Variants in PCCA observed in about 807,000 individuals in gnomAD.
The protein encoded by PCCA is propionyl-CoA carboxylase subunit alpha.
Under a neutral mutation model 101.3 loss-of-function variants are expected in PCCA, and 74 were observed. The observed-to-expected ratio is 0.73, with a 90% CI of 0.61 to 0.89. The LOEUF is 0.89. Among genes scored for constraint, PCCA ranks in the 40% least tolerant of loss-of-function variants. The pLI is 0.00. For synonymous variants in PCCA, 294 were observed against 313.6 expected (o/e 0.94, Z 0.66); for missense variants, 891 against 907.0 (o/e 0.98, Z 0.23).
intron 1 of PCCA, among the ~76,000 whole-genome samples, chr13:100,097,055 C>A (rs2046835496): frequency 6.6e-6 from 1 of 152,054 alleles, no homozygotes; most frequent in African/African-American, 2.4e-5. Flanking sequence ...CTGTTTTGAA[C>A]AATAATTAAT....
At chr13:100,110,453 G>C (rs372522047) in intron 2 of PCCA, among the ~76,000 whole-genome samples, 2 of 151,690 alleles carry the variant, frequency 1.3e-5, no homozygotes, top group African/African-American at 4.9e-5. Context: ...TTTACTTAAA[G>C]TTAAATAGGT....
chr13:100,449,219 G>C (rs2081051639), intron 20 of PCCA, 33 bp from the exon 21 acceptor site: 1 of 1,375,106 alleles, frequency 7.3e-7, no homozygotes, highest in Non-Finnish European at 1.0e-6. Context: ...GTGCAGATAT[G>C]AGTTCATTTT....
chr13:100,374,415 G>A lies in PCCA; in HGVS notation c.1746+5841G>A, dbSNP rs542906839. Among the ~76,000 whole-genome samples the A allele has an allele frequency of 2.6e-5, 4 of 152,124 alleles. No homozygotes were observed. The South Asian group carries it at 8.3e-4, about 32-fold the overall frequency. On this transcript the variant is annotated intron_variant, in intron 19 of 23. Coordinates refer to ENST00000376285, the MANE Select transcript of PCCA (RefSeq NM_000282.4). Reference sequence around the variant, plus strand: ...TAATTATTTTCATGATTCCCTTCTGGATTCCCAGGATGTTTTCCATTTCTG... The same window carrying A: ...TAATTATTTTCATGATTCCCTTCTGAATTCCCAGGATGTTTTCCATTTCTG...
At position 100,395,355 on chromosome 13, in the gene PCCA, C is replaced by T. The variant is rs370538908; in HGVS notation, c.1746+26781C>T. The stretch of plus-strand genomic sequence containing the variant: ...ATCTTATTCACCAGACTCAGCACTG[C>T]GTAACTGTGGCAATTTCTGAAACTC... On this transcript the variant is annotated intron_variant, in intron 19 of 23. Transcript: ENST00000376285. 1.1e-3 allele frequency among the ~76,000 whole-genome samples: 165 copies of T among 152,290 alleles called. 6 individuals carry two copies. In the South Asian group the frequency reaches 0.031, roughly 29 times the overall value.
chr13:100,273,146 T>C, intron 11 of PCCA, 50 bp from the exon 12 acceptor site: 1 of 1,435,472 alleles, frequency 7.0e-7, no homozygotes, highest in Non-Finnish European at 9.8e-7. Context: ...ACACAAAAGA[T>C]AACTTGATTT....
chr13:100,380,323 C>T (rs1475992858), intron 19 of PCCA, among the ~76,000 whole-genome samples: 1 of 152,174 alleles, frequency 6.6e-6, no homozygotes, highest in African/African-American at 2.4e-5. Context: ...GATCACACCA[C>T]TGCACTCCAG....
chr13:100,489,329 G>A (rs1250551652), intron 21 of PCCA, among the ~76,000 whole-genome samples: 2 of 152,132 alleles, frequency 1.3e-5, no homozygotes, highest in African/African-American at 4.8e-5. Flanking sequence ...AGTTTTATCG[G>A]AACACAGCCA....
chr13:100,425,524 G>A, intron 19 of PCCA, 109 bp from the exon 20 acceptor site: 6 of 761,748 alleles, frequency 7.9e-6, no homozygotes, highest in Non-Finnish European at 1.4e-5. Flanking sequence ...ATGACAGGTT[G>A]TTTGGGAGCC....
At chr13:100,315,845 A>G (rs558059928) in intron 16 of PCCA, among the ~76,000 whole-genome samples, 46 of 152,342 alleles carry the variant, frequency 3.0e-4, no homozygotes, top group Middle Eastern at 3.4e-3. Flanking sequence ...TATGTGATTA[A>G]TAATATCCTT....
At chr13:100,406,302 A>C (rs181308831) in intron 19 of PCCA, among the ~76,000 whole-genome samples, 1 of 152,336 alleles carries the variant, frequency 6.6e-6, no homozygotes, top group East Asian at 1.9e-4. Flanking sequence ...AGTTAAGAAC[A>C]CTCACAGATA....
chr13:100,361,755 A>C (rs2074628312), intron 18 of PCCA, among the ~76,000 whole-genome samples: 1 of 152,198 alleles, frequency 6.6e-6, no homozygotes, highest in Non-Finnish European at 1.5e-5. Flanking sequence ...GACAATGCCA[A>C]ATGGTGGCAA....
chr13:100,143,558 A>T (rs530632476), intron 4 of PCCA, among the ~76,000 whole-genome samples: 6 of 151,802 alleles, frequency 4.0e-5, no homozygotes, highest in South Asian at 2.1e-4. Context: ...AAATAAAAAA[A>T]AAAAATAAAA....
intron 4 of PCCA, among the ~76,000 whole-genome samples, chr13:100,118,268 A>G (rs2049022131): frequency 6.6e-6 from 1 of 152,192 alleles, no homozygotes; most frequent in Non-Finnish European, 1.5e-5. Context: ...ATTCTATAAT[A>G]TCATGTAATA....
intron 4 of PCCA, chr13:100,150,973 G>A: frequency 1.3e-6 from 2 of 1,516,520 alleles, no homozygotes; most frequent in South Asian, 2.2e-5. Context: ...GCTGGGTGGG[G>A]CGGAGAGCCC....
chr13:100,307,284 T>C, intron 15 of PCCA, 24 bp downstream of exon 15: 2 of 1,439,208 alleles, frequency 1.4e-6, no homozygotes, highest in East Asian at 2.3e-5. Flanking sequence ...CTCAATGGAT[T>C]ATTTGATTTC....
intron 4 of PCCA, among the ~76,000 whole-genome samples, chr13:100,148,395 T>A (rs964200465): frequency 6.6e-5 from 10 of 152,156 alleles, no homozygotes; most frequent in Non-Finnish European, 1.2e-4. Context: ...TCCAGCCATA[T>A]GTACAGTCCT....
At chr13:100,436,465 A>T (rs554848956) in intron 20 of PCCA, among the ~76,000 whole-genome samples, 1 of 152,298 alleles carries the variant, frequency 6.6e-6, no homozygotes, top group African/African-American at 2.4e-5. Context: ...CCGATTTCCC[A>T]TCTGCCACAC....
rs924595884 is a variant in PCCA, at chr13:100,384,240, G to C, written c.1746+15666G>C. ...GGGGTTTCACCCTGTTGGCCAGGCT[G>C]ATCTCGAACTCCTCACCTCAGGTGA... On this transcript the variant is annotated intron_variant, in intron 19 of 23. Coordinates refer to ENST00000376285, the MANE Select transcript of PCCA (RefSeq NM_000282.4). 2.0e-5 allele frequency among the ~76,000 whole-genome samples: 3 copies of C among 152,316 alleles called. No individual in the cohort carries two copies. In the South Asian group the frequency reaches 6.2e-4, roughly 32 times the overall value.
At chr13:100,271,500 C>A (rs1171677382) in intron 11 of PCCA, among the ~76,000 whole-genome samples, 2 of 151,886 alleles carry the variant, frequency 1.3e-5, no homozygotes, top group Non-Finnish European at 2.9e-5. Context: ...GGGTTGCATG[C>A]AGTTGAACCA....
Sources: gnomAD v4.1 joint callset for allele counts (sites outside exome capture counted in the v4.1 genomes callset) on GRCh38, gnomAD v4.1.1 for gene constraint, MANE v1.5 for transcripts, NCBI Gene and HGNC (gene_info 2026-07-23, HGNC 2026-07-21) for gene names.